Variants in RANBP2 observed in about 807,000 individuals in gnomAD.
RANBP2 encodes the protein RAN binding protein 2, also known as E3 SUMO-protein ligase RanBP2.
In RANBP2, 57 loss-of-function variants were observed where a neutral mutation model predicts 303.6. The observed-to-expected ratio is 0.19, with a 90% CI of 0.15 to 0.23. The LOEUF (loss-of-function observed/expected upper bound fraction) is 0.23. Ranked by LOEUF, RANBP2 falls within the 10% of genes least tolerant of loss-of-function variation. The pLI, the probability that RANBP2 is intolerant of heterozygous loss-of-function variation, is 1.00. For synonymous variants in RANBP2, 1,167 were observed against 1,301.5 expected (o/e 0.90, Z 2.23); for missense variants, 3,138 against 3,780.8 (o/e 0.83, Z 4.46).
chr2:109,422,256 C>T, the RANBP2 span, among the ~76,000 whole-genome samples: 1 of 152,220 alleles, frequency 6.6e-6, no homozygotes, highest in African/African-American at 2.4e-5. Flanking sequence ...TTGGGGACTC[C>T]AGCCAGGGCC....
the RANBP2 span, among the ~76,000 whole-genome samples, chr2:109,186,538 A>T: frequency 6.6e-6 from 1 of 152,250 alleles, no homozygotes; most frequent in East Asian, 1.9e-4. Flanking sequence ...TAGAAAGTCA[A>T]TTCTGTTTTT....
At chr2:108,861,571 C>G in the RANBP2 span, among the ~76,000 whole-genome samples, 1 of 150,646 alleles carries the variant, frequency 6.6e-6, no homozygotes, top group African/African-American at 2.5e-5. Context: ...ACCTCCGCCT[C>G]CTGGGTTCAA....
At chr2:109,233,838 T>C in the RANBP2 span, among the ~76,000 whole-genome samples, 12 of 152,252 alleles carry the variant, frequency 7.9e-5, no homozygotes, top group Admixed American at 7.2e-4. Context: ...CTCTCACTTA[T>C]GTAGCACATT....
At chr2:109,683,001 G>A in the RANBP2 span, among the ~76,000 whole-genome samples, 1 of 152,006 alleles carries the variant, frequency 6.6e-6, no homozygotes, top group African/African-American at 2.4e-5. Flanking sequence ...TAAGAAGGAG[G>A]GTGTATACTT....
intron 1 of RANBP2, among the ~76,000 whole-genome samples, chr2:108,724,640 C>G (rs931690923): frequency 7.2e-5 from 11 of 151,822 alleles, no homozygotes; most frequent in Non-Finnish European, 1.5e-4. Flanking sequence ...CCATTTCTTA[C>G]CCTTTTTTTA....
the RANBP2 span, among the ~76,000 whole-genome samples, chr2:109,708,086 A>G: frequency 1.3e-5 from 2 of 152,236 alleles, no homozygotes; most frequent in East Asian, 3.8e-4. Context: ...GGTCAGGCAC[A>G]GTAGCTCACA....
chr2:109,551,509 T>C, the RANBP2 span, among the ~76,000 whole-genome samples: 1 of 152,122 alleles, frequency 6.6e-6, no homozygotes, highest in Non-Finnish European at 1.5e-5. Context: ...AAAGGAACGA[T>C]TTTGAAAGCC....
chr2:108,941,684 C>T, the RANBP2 span, among the ~76,000 whole-genome samples: 1 of 152,228 alleles, frequency 6.6e-6, no homozygotes, highest in Admixed American at 6.5e-5. Flanking sequence ...TGGTGTCTTA[C>T]AACAACCTGA....
chr2:108,731,753 A>G (rs1475848163), intron 4 of RANBP2: 5 of 451,422 alleles, frequency 1.1e-5, no homozygotes, highest in African/African-American at 6.2e-5. Flanking sequence ...TAAGATTTAC[A>G]TTAAGTTCCG....
chr2:109,006,570 C>A, the RANBP2 span, among the ~76,000 whole-genome samples: 1 of 152,110 alleles, frequency 6.6e-6, no homozygotes, highest in African/African-American at 2.4e-5. Flanking sequence ...AATACACTTG[C>A]GAGTCGTGGC....
the RANBP2 span, among the ~76,000 whole-genome samples, chr2:109,068,288 G>T: frequency 6.6e-6 from 1 of 152,336 alleles, no homozygotes; most frequent in East Asian, 1.9e-4. Flanking sequence ...CTAACTGGGG[G>T]TGGGGTGTTC....
At chr2:109,422,085 A>G in the RANBP2 span, among the ~76,000 whole-genome samples, 1 of 152,198 alleles carries the variant, frequency 6.6e-6, no homozygotes, top group African/African-American at 2.4e-5. Flanking sequence ...AGTGGCAAGT[A>G]CCCGGGGTGG....
At chr2:109,659,147 T>C in the RANBP2 span, among the ~76,000 whole-genome samples, 2 of 151,628 alleles carry the variant, frequency 1.3e-5, no homozygotes, top group African/African-American at 4.8e-5. Flanking sequence ...GAGGTCAAGT[T>C]GGTTGAATTA....
chr2:108,741,186 CT>C (rs1257557282), intron 7 of RANBP2, among the ~76,000 whole-genome samples: 1 of 151,748 alleles, frequency 6.6e-6, no homozygotes, highest in Non-Finnish European at 1.5e-5. Flanking sequence ...AACATAAAAC[CT>C]TTTCTTAATT....
At chr2:109,639,539 A>T in the RANBP2 span, among the ~76,000 whole-genome samples, 1 of 151,850 alleles carries the variant, frequency 6.6e-6, no homozygotes, top group Admixed American at 6.6e-5. Context: ...GAATCGCTTG[A>T]ACCCAGGAGG....
the RANBP2 span, among the ~76,000 whole-genome samples, chr2:109,114,554 T>A: frequency 1.3e-5 from 2 of 152,012 alleles, no homozygotes; most frequent in African/African-American, 4.8e-5. Context: ...TAGCGGTCTA[T>A]CAATTTTGTT....
At chr2:109,719,532 G>A in the RANBP2 span, among the ~76,000 whole-genome samples, 132 of 151,272 alleles carry the variant, frequency 8.7e-4, 1 homozygote, top group African/African-American at 3.2e-3. Flanking sequence ...TCAGCCTCCT[G>A]AGCAACTGGG....
the RANBP2 span, among the ~76,000 whole-genome samples, chr2:109,017,634 T>G: frequency 2.6e-5 from 4 of 152,186 alleles, no homozygotes; most frequent in Non-Finnish European, 5.9e-5. Context: ...TTTTTTCCAA[T>G]CTCTTTTTTG....
At chr2:109,547,330 T>C in the RANBP2 span, among the ~76,000 whole-genome samples, 3 of 151,376 alleles carry the variant, frequency 2.0e-5, no homozygotes, top group African/African-American at 7.3e-5. Flanking sequence ...ATTGACTGTA[T>C]CACCCCTGTA....
Sources: allele counts gnomAD v4.1 joint callset (sites outside exome capture counted in the v4.1 genomes callset), GRCh38; gene constraint gnomAD v4.1.1; transcripts MANE v1.5; gene names NCBI Gene and HGNC (gene_info 2026-07-23, HGNC 2026-07-21).